Variants in POLN observed in about 807,000 individuals in gnomAD.
The protein encoded by POLN is DNA polymerase N.
In POLN, 108 loss-of-function variants were observed where a neutral mutation model predicts 113.5. That is an observed-to-expected ratio of 0.95 (90% CI 0.81 to 1.12). The LOEUF is 1.12. Ranked by LOEUF, POLN falls within the 50% of genes most tolerant of loss-of-function variation. The pLI, the probability that POLN is intolerant of heterozygous loss-of-function variation, is 0.00. For missense variants in POLN, 1,097 were observed against 1,077.1 expected (o/e 1.02, Z -0.26); for synonymous variants, 386 against 391.5 (o/e 0.99, Z 0.17).
At chr4:2,155,671 C>T (rs1357306169) in intron 16 of POLN, among the ~76,000 whole-genome samples, 2 of 151,994 alleles carry the variant, frequency 1.3e-5, no homozygotes, top group African/African-American at 4.8e-5. Flanking sequence ...AATACATATT[C>T]ATATTTATAT....
chr4:2,183,310 C>T (rs1402416289), intron 7 of POLN, among the ~76,000 whole-genome samples: 1 of 149,342 alleles, frequency 6.7e-6, no homozygotes. Flanking sequence ...GATATACACG[C>T]AAGCAAGTTG....
chr4:2,074,448 G>A (rs1470216470), intron 24 of POLN, among the ~76,000 whole-genome samples: 2 of 152,346 alleles, frequency 1.3e-5, no homozygotes, highest in African/African-American at 2.4e-5. Flanking sequence ...GAACAAGGCC[G>A]TTTGGGAACG....
At chr4:2,232,783 C>G (rs895943699) in intron 2 of POLN, among the ~76,000 whole-genome samples, 4 of 152,172 alleles carry the variant, frequency 2.6e-5, no homozygotes, top group Non-Finnish European at 5.9e-5. Flanking sequence ...CAGTGTCTAG[C>G]ATTTAAACCA....
intron 16 of POLN, among the ~76,000 whole-genome samples, chr4:2,131,696 G>A (rs1731731728): frequency 6.6e-6 from 1 of 152,160 alleles, no homozygotes; most frequent in African/African-American, 2.4e-5. Context: ...TCTCTTTGAT[G>A]CTGGTCATTC....
chr4:2,229,653 C>T (rs1442964184), intron 2 of POLN: 7 of 152,704 alleles, frequency 4.6e-5, no homozygotes, highest in Non-Finnish European at 1.0e-4. Flanking sequence ...GATGAAACCC[C>T]GTCTCTACTA....
Position 2,078,904 on chromosome 4 carries a change from T to C in POLN, c.2387+2054A>G, listed in dbSNP as rs186162546. The C allele has an allele frequency of 7.1e-6, 7 of 985,426 alleles. No homozygotes were observed. In the African/African-American group the frequency reaches 1.0e-4, roughly 15 times the overall value. The allele number at this position is 985,426 out of a possible 1,614,324, so 61.0% of individuals were successfully genotyped here. The stretch of plus-strand genomic sequence containing the variant: ...GCTCCTCACATGCCAACTTCCTTTA[T>C]CAATTCCACAAGGGCTGAAAGTGAA... On this transcript the variant is annotated intron_variant, in intron 23 of 25. Transcript: ENST00000511885.
intron 21 of POLN, chr4:2,082,951 G>A (rs905169732): frequency 6.6e-6 from 1 of 152,192 alleles, no homozygotes; most frequent in African/African-American, 2.4e-5. Context: ...ATTTGGAATA[G>A]CTGTAATCTA....
At chr4:2,164,596 A>G (rs1168536983) in intron 13 of POLN, among the ~76,000 whole-genome samples, 2 of 150,542 alleles carry the variant, frequency 1.3e-5, no homozygotes, top group South Asian at 4.2e-4. Context: ...TGAGGTCAGG[A>G]GTTTGAGACC....
In POLN at chr4:2,129,235, G is replaced by C; in HGVS notation, c.1811C>G (p.Thr604Arg). 1.9e-6 allele frequency: 3 copies of C among 1,596,470 alleles called. No homozygotes were observed. Among genetic ancestry groups the C allele is most frequent in the East Asian group, 2.2e-5 (1 of 44,756 alleles). The change falls in exon 18 of 26, where the codon ACG (threonine) becomes AGG (arginine). Residue 604 changes from threonine (T) to arginine (R), a missense_variant. Transcript: ENST00000511885. ...AACAAACATGGCCCTCGGGGAGATC[G>C]TGAGAATCTTGTCTTCTTTACCTGA... ...NFKGKEDKIL[T>R]ISPRAMFVSS...
chr4:2,191,982 G>C (rs9997014), intron 7 of POLN, among the ~76,000 whole-genome samples: 1 of 151,682 alleles, frequency 6.6e-6, no homozygotes, highest in Non-Finnish European at 1.5e-5. Flanking sequence ...TCATGGTGGC[G>C]CACACCTGTA....
chr4:2,221,576 C>T (rs1194104611), intron 3 of POLN, among the ~76,000 whole-genome samples: 2 of 151,808 alleles, frequency 1.3e-5, no homozygotes, highest in African/African-American at 4.8e-5. Context: ...TGTCTCTTAC[C>T]TACTTTTTGT....
chr4:2,118,809 T>C (rs1731376276), intron 19 of POLN, among the ~76,000 whole-genome samples: 2 of 152,242 alleles, frequency 1.3e-5, no homozygotes, highest in Admixed American at 1.3e-4. Context: ...TTTCTCATCC[T>C]CACTACCTTC....
At chr4:2,228,349 T>C (rs1684451591) in intron 3 of POLN, 1 of 133,948 alleles carries the variant, frequency 7.5e-6, no homozygotes, top group Non-Finnish European at 1.6e-5. Flanking sequence ...CTGCTTTCAC[T>C]TTTTTTTTTT....
intron 7 of POLN, among the ~76,000 whole-genome samples, chr4:2,183,984 G>C (rs1217568183): frequency 6.6e-6 from 1 of 151,352 alleles, no homozygotes; most frequent in Non-Finnish European, 1.5e-5. Flanking sequence ...CTCCTGAGTA[G>C]CTGGAACTAC....
intron 22 of POLN, 117 bp downstream of exon 22, chr4:2,081,516 G>C (rs1178700043): frequency 1.0e-6 from 1 of 972,446 alleles, no homozygotes. Flanking sequence ...CCTGCAAGGA[G>C]GTTTGTGATG....
At chr4:2,154,198 C>CA (rs58879582) in intron 16 of POLN, among the ~76,000 whole-genome samples, 776 of 63,930 alleles carry the variant, frequency 0.012, 105 homozygotes, top group African/African-American at 0.049. Flanking sequence ...TCCATCTCAA[C>CA]AAAAAAAAAA....
rs114022446 is a variant in POLN at position 2,180,366 on chromosome 4, G to T, written c.1022-901C>A. On this transcript the variant is annotated intron_variant, in intron 7 of 25. Coordinates refer to ENST00000511885, the MANE Select transcript of POLN (RefSeq NM_181808.4). ...AAATCCTAAAGTGACTGCTTTTTAAGTTACTTTAAAATTTTGAATTGTGCC... is the reference window on the plus strand; with the variant it reads ...AAATCCTAAAGTGACTGCTTTTTAATTTACTTTAAAATTTTGAATTGTGCC... Among the ~76,000 whole-genome samples, 315 of 152,264 alleles carry T rather than the reference G, an allele frequency of 2.1e-3. 1 individual carries two copies. The highest frequency in any genetic ancestry group is 7.2e-3 in the African/African-American group (301 of 41,552).
intron 5 of POLN, among the ~76,000 whole-genome samples, chr4:2,200,564 C>G (rs1470958610): frequency 6.6e-6 from 1 of 152,204 alleles, no homozygotes; most frequent in African/African-American, 2.4e-5. Flanking sequence ...AGCCCCAGGA[C>G]AGCTTGGAGC....
rs1240978554 is a variant in POLN at position 2,179,370 on chromosome 4, A to G, written c.1117T>C (p.Cys373Arg). Residue 373 changes from cysteine (C) to arginine (R), a missense_variant, in exon 8 of 26, where the codon TGT (cysteine) becomes CGT (arginine). Transcript: ENST00000511885. ...PSFEDLVEKY[C>R]EKSITVKVNS... is the part of the protein sequence containing the mutation. ...ACTTTAACTGTAATGGATTTTTCACAGTATTTTTCTACTAAATCTTCAAAA... is the reference window on the plus strand; with the variant it reads ...ACTTTAACTGTAATGGATTTTTCACGGTATTTTTCTACTAAATCTTCAAAA... The G allele has an allele frequency of 2.5e-6, 4 of 1,613,128 alleles. No individual in the cohort carries two copies. Among genetic ancestry groups the G allele is most frequent in the East Asian group, 2.2e-5 (1 of 44,876 alleles).
Sources: allele counts gnomAD v4.1 joint callset (sites outside exome capture counted in the v4.1 genomes callset), GRCh38; gene constraint gnomAD v4.1.1; transcripts MANE v1.5; gene names NCBI Gene and HGNC (gene_info 2026-07-23, HGNC 2026-07-21).